The following GRHL2 variants were observed in gnomAD, a reference collection of about 807,000 sequenced individuals.
GRHL2 encodes the protein grainyhead like transcription factor 2, also known as grainyhead-like protein 2 homolog.
GRHL2 carries 21 observed loss-of-function variants against 83.8 expected under a neutral mutation model. The ratio of observed to expected loss-of-function variants is 0.25; its 90% CI spans 0.18 to 0.36. The LOEUF is 0.36. Ranked by LOEUF, GRHL2 falls within the 10% of genes least tolerant of loss-of-function variation. The pLI is 1.00. For synonymous variants in GRHL2, 280 were observed against 278.9 expected, an observed-to-expected ratio of 1.00 and a Z score of -0.04; for missense variants, 623 against 781.8, an observed-to-expected ratio of 0.80 and a Z score of 2.42.
At chr8:101,670,195 G>C (rs1022003824), downstream of GRHL2, among the ~76,000 whole-genome samples, 1 of 152,148 alleles carries the variant, frequency 6.6e-6, no homozygotes, top group Non-Finnish European at 1.5e-5. Context: ...CTGTTGGCTC[G>C]AATGTGAACA....
At chr8:101,680,369 G>A in the GRHL2 span, among the ~76,000 whole-genome samples, 1 of 147,150 alleles carries the variant, frequency 6.8e-6, no homozygotes, top group Non-Finnish European at 1.5e-5. Context: ...TCAACAAGAA[G>A]AGCTAACTAT....
intron 13 of GRHL2, among the ~76,000 whole-genome samples, chr8:101,648,774 C>G (rs1027809717): frequency 6.6e-5 from 10 of 152,166 alleles, no homozygotes; most frequent in African/African-American, 1.9e-4. Flanking sequence ...CCCCACTGCC[C>G]CCATCTCATC....
At position 101,657,990 on chromosome 8, in the gene GRHL2, A is replaced by C. The variant is rs781307764; in HGVS notation, c.1699-6464A>C. ...GGGTGATCTCATCCAGCCCCTGGGCAGAAGGAATTTTCTGCCACCCCTGAC... is the reference window on the plus strand; with the variant it reads ...GGGTGATCTCATCCAGCCCCTGGGCCGAAGGAATTTTCTGCCACCCCTGAC... On this transcript the variant is annotated intron_variant, in intron 14 of 15. Transcript: ENST00000646743. 6.5e-4 allele frequency among the ~76,000 whole-genome samples: 99 copies of C among 152,200 alleles called. 1 individual carries two copies. Among genetic ancestry groups the C allele is most frequent in the Non-Finnish European group, 1.8e-4 (12 of 68,032 alleles).
At chr8:101,665,314 G>T (rs1814025631) in intron 15 of GRHL2, among the ~76,000 whole-genome samples, 1 of 152,140 alleles carries the variant, frequency 6.6e-6, no homozygotes, top group African/African-American at 2.4e-5. Flanking sequence ...GCCAGGAGAG[G>T]GTATCTGTTG....
intron 7 of GRHL2, among the ~76,000 whole-genome samples, chr8:101,593,355 G>A (rs1812326131): frequency 6.6e-6 from 1 of 152,220 alleles, no homozygotes; most frequent in African/African-American, 2.4e-5. Context: ...TCGCCAGGTA[G>A]ATGTTAGTAT....
chr8:101,678,302 T>A, the GRHL2 span, among the ~76,000 whole-genome samples: 17 of 152,038 alleles, frequency 1.1e-4, no homozygotes, highest in East Asian at 3.9e-4. Flanking sequence ...TTCCCTTTCC[T>A]AGTCAAAGAA....
At chr8:101,501,708 G>A (rs1347448664) in intron 1 of GRHL2, among the ~76,000 whole-genome samples, 1 of 152,152 alleles carries the variant, frequency 6.6e-6, no homozygotes, top group Non-Finnish European at 1.5e-5. Context: ...GAGCCTTAGG[G>A]ATCATCCAAA....
At chr8:101,601,580 G>A (rs1812515701) in intron 8 of GRHL2, among the ~76,000 whole-genome samples, 1 of 152,154 alleles carries the variant, frequency 6.6e-6, no homozygotes, top group African/African-American at 2.4e-5. Context: ...CATGCATGTT[G>A]CTCAGAGCAG....
At chr8:101,665,804 TAG>T (rs1814039203) in intron 15 of GRHL2, among the ~76,000 whole-genome samples, 1 of 152,124 alleles carries the variant, frequency 6.6e-6, no homozygotes, top group South Asian at 2.1e-4. Flanking sequence ...TGTAAAATGA[TAG>T]AGTCAGTCAG....
intron 1 of GRHL2, among the ~76,000 whole-genome samples, chr8:101,509,105 CTCTCCTTCCT>C (rs1563555927): frequency 3.0e-5 from 4 of 131,774 alleles, no homozygotes; most frequent in African/African-American, 1.2e-4. Context: ...TTCTTTCTTT[CTCTCCTTCCT>C]TCCTTCCTTC....
chr8:101,559,649 A>G (rs1476650482), intron 4 of GRHL2, among the ~76,000 whole-genome samples: 2 of 152,246 alleles, frequency 1.3e-5, no homozygotes, highest in South Asian at 2.1e-4. Flanking sequence ...TTTCTACTTT[A>G]CAAATAGAGA....
In GRHL2 at chr8:101,492,467, C is replaced by T. The variant is rs928161226; in HGVS notation, c.-303C>T. On this transcript the variant is annotated 5_prime_UTR_variant, in exon 1 of 16. Transcript: ENST00000646743. Reference sequence around the variant, plus strand: ...AAAGTTACCTGTGGCCGCCCAAGTCCGCCACTTTCTGCTCTGTGTCTGCCC... The same window carrying T: ...AAAGTTACCTGTGGCCGCCCAAGTCTGCCACTTTCTGCTCTGTGTCTGCCC... The T allele has an allele frequency of 7.5e-6, 4 of 531,844 alleles. No individual in the cohort carries two copies. The highest frequency in any genetic ancestry group is 3.8e-5 in the African/African-American group (2 of 52,524). The allele number at this position is 531,844 out of a possible 1,614,324, so 32.9% of individuals were successfully genotyped here. A position where few individuals can be genotyped will look rare whatever the true frequency, so the allele number is the denominator to read the frequency against.
chr8:101,559,334 C>A (rs1811556115), intron 4 of GRHL2, among the ~76,000 whole-genome samples: 1 of 121,436 alleles, frequency 8.2e-6, no homozygotes, highest in South Asian at 2.5e-4. Context: ...ATGGTGAACT[C>A]CTGTCTCTAC....
At chr8:101,540,830 T>C (rs531802968) in intron 1 of GRHL2, among the ~76,000 whole-genome samples, 17 of 152,214 alleles carry the variant, frequency 1.1e-4, no homozygotes, top group Non-Finnish European at 2.4e-4. Flanking sequence ...TTTATTTCTA[T>C]ATTTTTCATT....
Position 101,644,140 on chromosome 8 carries a change from C to T in GRHL2, c.1527C>T (p.Val509=). 1 of 1,614,028 alleles carries T rather than the reference C, an allele frequency of 6.2e-7. No individual in the cohort carries two copies. The highest frequency in any genetic ancestry group is 1.3e-5 in the African/African-American group (1 of 75,068). ...TGCTTATCTTTTCTAGTGGCAGTGT[C>T]CTTGTTAAACGGATGTTCCGGCCCA... ...NTDDEREGGS[V]LVKRMFRPME... Residue 509 remains valine (V), a synonymous_variant, in exon 13 of 16, where the codon GTC becomes GTT. Transcript: ENST00000646743.
At chr8:101,672,633 G>T (rs1178755791), downstream of GRHL2, among the ~76,000 whole-genome samples, 1 of 150,864 alleles carries the variant, frequency 6.6e-6, no homozygotes, top group African/African-American at 2.5e-5. Context: ...ACACTCTGCA[G>T]GATATTATCC....
the GRHL2 span, among the ~76,000 whole-genome samples, chr8:101,680,105 G>T: frequency 1.7e-5 from 2 of 118,710 alleles, 1 homozygote; most frequent in Non-Finnish European, 3.5e-5. Flanking sequence ...TGGGCTAAAT[G>T]CTCCAATTAA....
At chr8:101,627,146 T>TA (rs1813096443) in intron 9 of GRHL2, among the ~76,000 whole-genome samples, 1 of 152,112 alleles carries the variant, frequency 6.6e-6, no homozygotes, top group African/African-American at 2.4e-5. Context: ...ACATTGAACA[T>TA]ACAGGCTTAC....
At chr8:101,577,085 TGGG>T (rs541421393) in intron 6 of GRHL2, among the ~76,000 whole-genome samples, 3 of 151,644 alleles carry the variant, frequency 2.0e-5, no homozygotes, top group Non-Finnish European at 4.4e-5. Flanking sequence ...AAAAAAAATT[TGGG>T]GGGGGTTTCT....
Sources: gnomAD v4.1 joint callset for allele counts (sites outside exome capture counted in the v4.1 genomes callset) on GRCh38, gnomAD v4.1.1 for gene constraint, MANE v1.5 for transcripts, NCBI Gene and HGNC (gene_info 2026-07-23, HGNC 2026-07-21) for gene names.